The following ARMC3 variants were observed in gnomAD, a reference collection of about 807,000 sequenced individuals.
The protein encoded by ARMC3 is armadillo repeat containing 3.
A neutral mutation model predicts 90.3 loss-of-function variants in ARMC3; 74 were observed. That is an observed-to-expected ratio of 0.82 (90% CI 0.68 to 0.99). The LOEUF is 0.99. Ranked by LOEUF, ARMC3 falls within the 50% of genes least tolerant of loss-of-function variation. The probability of loss-of-function intolerance (pLI) is 0.00; values close to 1 mark genes in which losing one functional copy is unlikely to be tolerated. For synonymous variants in ARMC3, 334 were observed against 361.8 expected (o/e 0.92, Z 0.87); for missense variants, 958 against 1,042.8 (o/e 0.92, Z 1.12).
At chr10:22,956,305 T>A in intron 4 of ARMC3, among the ~76,000 whole-genome samples, 1 of 152,246 alleles carries the variant, frequency 6.6e-6, no homozygotes. Flanking sequence ...AGAGTTTTGA[T>A]AAACTCTTTT....
intron 13 of ARMC3, chr10:23,006,650 C>A: frequency 2.3e-6 from 1 of 437,458 alleles, no homozygotes. Flanking sequence ...GATGAAACAG[C>A]CGAGTGTAAA....
intron 8 of ARMC3, among the ~76,000 whole-genome samples, chr10:22,979,581 T>C (rs1387332324): frequency 1.3e-5 from 2 of 152,200 alleles, no homozygotes; most frequent in Non-Finnish European, 2.9e-5. Flanking sequence ...GAATCCATGC[T>C]AAGAGGGTTC....
chr10:22,967,373 A>G (rs903164579), intron 7 of ARMC3, among the ~76,000 whole-genome samples: 2 of 152,156 alleles, frequency 1.3e-5, no homozygotes, highest in Non-Finnish European at 2.9e-5. Context: ...TTTGGTACCC[A>G]TATACCTCTT....
At chr10:22,982,951 A>G (rs954895912) in intron 10 of ARMC3, among the ~76,000 whole-genome samples, 5 of 152,214 alleles carry the variant, frequency 3.3e-5, no homozygotes, top group African/African-American at 1.2e-4. Context: ...GGAATGCATT[A>G]AGTGTCAAAA....
At chr10:22,969,576 A>G (rs980602225) in intron 8 of ARMC3, among the ~76,000 whole-genome samples, 1 of 152,220 alleles carries the variant, frequency 6.6e-6, no homozygotes, top group Admixed American at 6.5e-5. Context: ...CATGAGTTAC[A>G]TTATAAATGC....
chr10:22,990,142 G>A (rs1384335865), intron 10 of ARMC3, among the ~76,000 whole-genome samples: 1 of 145,786 alleles, frequency 6.9e-6, no homozygotes, highest in East Asian at 2.0e-4. Context: ...GATTTTCAGA[G>A]GAAATCTTTA....
chr10:23,024,604 A>C (rs1838642176), intron 16 of ARMC3, among the ~76,000 whole-genome samples: 1 of 152,190 alleles, frequency 6.6e-6, no homozygotes, highest in Non-Finnish European at 1.5e-5. Flanking sequence ...AAGCAGTAAA[A>C]TGTGGATACC....
At chr10:22,951,931 C>A (rs1486305829) in intron 3 of ARMC3, among the ~76,000 whole-genome samples, 1 of 152,050 alleles carries the variant, frequency 6.6e-6, no homozygotes, top group Non-Finnish European at 1.5e-5. Flanking sequence ...GAGACTGAGA[C>A]CATACTAGCC....
chr10:22,955,674 T>C, intron 3 of ARMC3, 133 bp from the exon 4 acceptor site: 2 of 1,089,410 alleles, frequency 1.8e-6, no homozygotes, highest in Non-Finnish European at 2.6e-6. Flanking sequence ...AAGTTTATTC[T>C]GAGGGAAATA....
At chr10:22,954,117 A>T (rs1346366110) in intron 3 of ARMC3, among the ~76,000 whole-genome samples, 1 of 152,228 alleles carries the variant, frequency 6.6e-6, no homozygotes, top group Non-Finnish European at 1.5e-5. Context: ...CTAATGACTA[A>T]TGATGGAGAG....
intron 16 of ARMC3, among the ~76,000 whole-genome samples, chr10:23,023,401 T>C (rs1838586714): frequency 6.6e-6 from 1 of 151,288 alleles, no homozygotes; most frequent in Admixed American, 6.6e-5. Context: ...AGAGCCAGAG[T>C]TTCCCAATAT....
intron 14 of ARMC3, among the ~76,000 whole-genome samples, chr10:23,007,372 G>A (rs928044231): frequency 1.3e-5 from 2 of 152,116 alleles, no homozygotes; most frequent in African/African-American, 2.4e-5. Context: ...GAAATAAGAA[G>A]TAAATGATAG....
intron 1 of ARMC3, among the ~76,000 whole-genome samples, chr10:22,928,888 A>G (rs575735792): frequency 6.6e-6 from 1 of 152,346 alleles, no homozygotes; most frequent in East Asian, 1.9e-4. Context: ...AGGGAAGGTG[A>G]AAGTAGGGGA....
At position 23,033,042 on chromosome 10, in the gene ARMC3, C is replaced by T. The variant is rs1360476114; in HGVS notation, c.2409+19C>T. The T allele has an allele frequency of 1.2e-6, 2 of 1,608,250 alleles. No individual in the cohort carries two copies. The highest frequency in any genetic ancestry group is 2.2e-5 in the East Asian group (1 of 44,696). Reference sequence around the variant, plus strand: ...TTTCAAGGTGTGTAAGGTATTTTGCCTCATTTGCCATTAAGTAAAAATGCT... The same window carrying T: ...TTTCAAGGTGTGTAAGGTATTTTGCTTCATTTGCCATTAAGTAAAAATGCT... On this transcript the variant is annotated intron_variant, in intron 18 of 18. Transcript: ENST00000298032.
At chr10:22,993,304 T>G (rs1159269880) in intron 10 of ARMC3, among the ~76,000 whole-genome samples, 4 of 152,202 alleles carry the variant, frequency 2.6e-5, no homozygotes, top group African/African-American at 9.6e-5. Context: ...AGACATCCCT[T>G]GATAAAAGAG....
intron 16 of ARMC3, chr10:23,014,573 G>A (rs1838179883): frequency 1.2e-6 from 1 of 855,250 alleles, no homozygotes; most frequent in South Asian, 5.2e-5. Flanking sequence ...ATGATCGACT[G>A]GATAAAGAAA....
intron 8 of ARMC3, among the ~76,000 whole-genome samples, chr10:22,979,763 C>T (rs565722291): frequency 6.6e-6 from 1 of 152,024 alleles, no homozygotes; most frequent in Non-Finnish European, 1.5e-5. Flanking sequence ...TAAGTATTAA[C>T]TGAAGCTTTT....
chr10:23,032,299 TCTTC>T (rs1838949691), intron 17 of ARMC3, among the ~76,000 whole-genome samples: 1 of 152,182 alleles, frequency 6.6e-6, no homozygotes, highest in African/African-American at 2.4e-5. Context: ...CTCTTCCTCT[TCTTC>T]CTTGCTCCTG....
intron 7 of ARMC3, 52 bp downstream of exon 7, chr10:22,962,130 A>C: frequency 7.8e-7 from 1 of 1,286,776 alleles, no homozygotes; most frequent in Non-Finnish European, 1.0e-6. Context: ...TCTCTCCCAA[A>C]TGTTTAAAAA....
Sources: allele counts gnomAD v4.1 joint callset (sites outside exome capture counted in the v4.1 genomes callset), GRCh38; gene constraint gnomAD v4.1.1; transcripts MANE v1.5; gene names NCBI Gene and HGNC (gene_info 2026-07-23, HGNC 2026-07-21).